The following RAF1 variants were observed in gnomAD, a reference collection of about 807,000 sequenced individuals.
RAF1 encodes RAF proto-oncogene serine/threonine-protein kinase.
Under a neutral mutation model 81.1 loss-of-function variants are expected in RAF1, and 27 were observed. That is an observed-to-expected ratio of 0.33 (90% confidence interval 0.25 to 0.46). The LOEUF (loss-of-function observed/expected upper bound fraction) is 0.46, where lower values mean the gene tolerates loss of function less well. RAF1 is among the 20% of genes least tolerant of loss of function. The pLI is 1.00. For synonymous variants in RAF1, 298 were observed against 294.0 expected, an observed-to-expected ratio of 1.01 and a Z score of -0.14; for missense variants, 598 against 826.0, an observed-to-expected ratio of 0.72 and a Z score of 3.38.
rs9810597 is a variant in RAF1, at chr3:12,587,745, G to A, written c.1431-108C>T. The A allele has an allele frequency of 5.7e-4, 505 of 888,692 alleles. 3 individuals carry two copies. The African/African-American group carries it at 7.7e-3, about 14-fold the overall frequency. 55.1% of individuals were successfully genotyped at this position (888,692 alleles called of 1,614,324 possible). ...GCCACTGAAGGCCTGGCTCCAAGGAGTGTTACACACAGGGATAGACCCTGT... is the reference window on the plus strand; with the variant it reads ...GCCACTGAAGGCCTGGCTCCAAGGAATGTTACACACAGGGATAGACCCTGT... On this transcript the variant is annotated intron_variant, in intron 13 of 17. Transcript: ENST00000442415.
chr3:12,637,036 A>G (rs747955983), intron 1 of RAF1, among the ~76,000 whole-genome samples: 1 of 152,180 alleles, frequency 6.6e-6, no homozygotes, highest in Non-Finnish European at 1.5e-5. Flanking sequence ...TGAAGAATGA[A>G]TAAGATAGTG....
intron 3 of RAF1, among the ~76,000 whole-genome samples, chr3:12,610,859 G>A (rs1017604089): frequency 3.3e-5 from 5 of 152,152 alleles, no homozygotes; most frequent in Non-Finnish European, 7.3e-5. Flanking sequence ...CTGCTTTGAG[G>A]TATTACTCCT....
rs147475396 is a variant in RAF1, at chr3:12,584,994, A to G, written c.1729-13T>C. 1.4e-3 allele frequency: 2,225 copies of G among 1,614,132 alleles called. 27 individuals carry two copies. In the African/African-American group the frequency reaches 0.026, roughly 19 times the overall value. Reference sequence around the variant, plus strand: ...CCATGAAGATGATCTAAGGGAAAGAAAACAGCTGAGCTAATGGGGGGTGAA... The same window carrying G: ...CCATGAAGATGATCTAAGGGAAAGAGAACAGCTGAGCTAATGGGGGGTGAA... On this transcript the variant is annotated splice_polypyrimidine_tract_variant and intron_variant, in intron 16 of 17. Coordinates refer to ENST00000442415, the MANE Select transcript of RAF1 (RefSeq NM_001354689.3).
intron 17 of RAF1, 87 bp from the exon 17 acceptor site, chr3:12,584,744 G>C: frequency 6.2e-7 from 1 of 1,611,150 alleles, no homozygotes; most frequent in East Asian, 2.2e-5. Context: ...TAGAGGACCT[G>C]GGTCCCCTCC....
rs1057522961 is a variant in RAF1 at position 12,599,819 on chromosome 3, T to C, written c.1051-11A>G. 4.4e-6 allele frequency: 7 copies of C among 1,584,036 alleles called. No homozygotes were observed. The highest frequency in any genetic ancestry group is 2.2e-5 in the East Asian group (1 of 44,724). On this transcript the variant is annotated splice_polypyrimidine_tract_variant and intron_variant, in intron 10 of 17. Transcript: ENST00000442415. ...CTGTCCACGAGGCCTCTGAAACAAG[T>C]AGAGATCATTATTATACTCCATGCA... is the stretch of plus-strand genomic sequence containing the variant.
intron 1 of RAF1, among the ~76,000 whole-genome samples, chr3:12,649,417 G>GT (rs1471933600): frequency 6.6e-6 from 1 of 152,136 alleles, no homozygotes; most frequent in Non-Finnish European, 1.5e-5. Context: ...GGTCAACAGA[G>GT]TGACACCTCA....
rs137943597 is a variant in RAF1, at chr3:12,649,101, C to T, written c.-27+14712G>A. Among the ~76,000 whole-genome samples the T allele has an allele frequency of 8.2e-3, 1,247 of 151,914 alleles. 19 individuals are homozygous for T. Among genetic ancestry groups the T allele is most frequent in the African/African-American group, 0.028 (1,158 of 41,426 alleles). ...TGCACTCCAGCCTGGGTAACAAGAG[C>T]AAAACTCAGTCTCAGAAAAAAAGAA... On this transcript the variant is annotated intron_variant, in intron 1 of 17. Coordinates refer to ENST00000442415, the MANE Select transcript of RAF1 (RefSeq NM_001354689.3).
intron 1 of RAF1, among the ~76,000 whole-genome samples, chr3:12,620,975 C>T (rs1207429277): frequency 6.6e-6 from 1 of 152,010 alleles, no homozygotes; most frequent in Non-Finnish European, 1.5e-5. Context: ...AGAAACCATG[C>T]AGAAGTAAGG....
chr3:12,592,930 G>A (rs1038354660), intron 11 of RAF1, among the ~76,000 whole-genome samples: 1 of 150,990 alleles, frequency 6.6e-6, no homozygotes, highest in Admixed American at 6.6e-5. Flanking sequence ...TAGTAGAGAC[G>A]GGGTTTCACC....
chr3:12,585,082 C>A (rs1317752632), intron 16 of RAF1, 40 bp downstream of exon 15: 1 of 1,614,092 alleles, frequency 6.2e-7, no homozygotes, highest in Non-Finnish European at 8.5e-7. Context: ...GGCCCAGGGG[C>A]TCCCACGAGT....
rs1575584155 is a variant in RAF1 at position 12,609,421 on chromosome 3, C to T, written c.321-86G>A. On this transcript the variant is annotated intron_variant, in intron 3 of 17. Transcript: ENST00000442415. ...ACAACAGCTACCATTTATCACATGC[C>T]ATATAAACACAACTTTATTTAATCC... is the stretch of plus-strand genomic sequence containing the variant. 24 of 834,098 alleles carry T rather than the reference C, an allele frequency of 2.9e-5. 1 individual carries two copies. The South Asian group carries it at 3.3e-4, about 11-fold the overall frequency. 51.7% of individuals were successfully genotyped at this position (834,098 alleles called of 1,614,324 possible). A position where few individuals can be genotyped will look rare whatever the true frequency, so the allele number is the denominator to read the frequency against.
chr3:12,663,348 G>A (rs2060943113), intron 1 of RAF1, among the ~76,000 whole-genome samples: 1 of 152,162 alleles, frequency 6.6e-6, no homozygotes. Context: ...TAGGGCACTG[G>A]CCAGTTTCCT....
At chr3:12,615,739 G>C (rs1303808668) in intron 2 of RAF1, among the ~76,000 whole-genome samples, 1 of 152,120 alleles carries the variant, frequency 6.6e-6, no homozygotes, top group Non-Finnish European at 1.5e-5. Context: ...GGACTACATA[G>C]ATGTATAAAA....
chr3:12,658,340 C>T (rs1418225489), intron 1 of RAF1, among the ~76,000 whole-genome samples: 4 of 152,158 alleles, frequency 2.6e-5, no homozygotes, highest in Admixed American at 6.5e-5. Flanking sequence ...TGGTGGCTCA[C>T]GCCTGTAATC....
At chr3:12,627,479 T>C (rs915037463) in intron 1 of RAF1, among the ~76,000 whole-genome samples, 9 of 152,214 alleles carry the variant, frequency 5.9e-5, no homozygotes, top group African/African-American at 2.2e-4. Flanking sequence ...CTCTGAAAGA[T>C]ACCAGGGGAC....
intron 1 of RAF1, among the ~76,000 whole-genome samples, chr3:12,627,842 A>G (rs945196815): frequency 1.3e-5 from 2 of 152,220 alleles, no homozygotes; most frequent in East Asian, 1.9e-4. Flanking sequence ...GAGTGTGGCC[A>G]GGCACACTGG....
At chr3:12,622,076 A>G (rs6442320) in intron 1 of RAF1, among the ~76,000 whole-genome samples, 127,891 of 152,174 alleles carry the variant, frequency 0.84, 54,134 homozygotes, top group East Asian at 0.94. Context: ...CCTGCCTCTA[A>G]AGCCTCAACC....
rs2125321945 is a variant in RAF1, at chr3:12,585,157, C to G, written c.1693G>C (p.Glu565Gln). ...TTGTTGATGTGAGAATAAGGAAGCT[C>G]CCCCGTCATCAGTTCATACAATACG... is the stretch of plus-strand genomic sequence containing the variant. The change falls in exon 16 of 18, where the codon GAG (glutamate) becomes CAG (glutamine). Residue 565 changes from glutamate (E) to glutamine (Q), a missense_variant. By Grantham distance (29) the Glu-to-Gln change is conservative. This residue lies in a region of RAF1 where 147 missense variants were observed against 196.1 expected (regional missense o/e 0.75). Coordinates refer to ENST00000442415, the MANE Select transcript of RAF1 (RefSeq NM_001354689.3). 2.5e-6 allele frequency: 4 copies of G among 1,614,140 alleles called. No homozygotes were observed. Among genetic ancestry groups the G allele is most frequent in the Non-Finnish European group, 3.4e-6 (4 of 1,180,026 alleles).
At chr3:12,621,940 C>T (rs2059568070) in intron 1 of RAF1, among the ~76,000 whole-genome samples, 1 of 152,136 alleles carries the variant, frequency 6.6e-6, no homozygotes, top group Admixed American at 6.6e-5. Flanking sequence ...TTCAGCAGGA[C>T]TGTGAAGGGT....
Sources: allele counts gnomAD v4.1 joint callset (sites outside exome capture counted in the v4.1 genomes callset), GRCh38; gene constraint gnomAD v4.1.1; regional missense constraint gnomAD v4.1.1; transcripts MANE v1.5; gene names NCBI Gene and HGNC (gene_info 2026-07-23, HGNC 2026-07-21).